IPO9: variants seen among roughly 807,000 people sequenced by gnomAD.
IPO9 encodes importin-9.
In IPO9, 28 loss-of-function variants were observed where a neutral mutation model predicts 128.6. The ratio of observed to expected loss-of-function variants is 0.22; its 90% confidence interval spans 0.16 to 0.30. The LOEUF (loss-of-function observed/expected upper bound fraction) is 0.30. Ranked by LOEUF, IPO9 falls within the 10% of genes least tolerant of loss-of-function variation. IPO9 has a pLI of 1.00. For missense variants in IPO9, 935 were observed against 1,293.9 expected, an observed-to-expected ratio of 0.72 and a Z score of 4.26; for synonymous variants, 455 against 475.8, an observed-to-expected ratio of 0.96 and a Z score of 0.57.
At position 201,847,542 on chromosome 1, in the gene IPO9, C is replaced by T. The variant is rs563204594; in HGVS notation, c.226-10C>T. The T allele has an allele frequency of 1.9e-6, 3 of 1,612,578 alleles. No individual in the cohort carries two copies. In the South Asian group the frequency reaches 3.3e-5, roughly 18 times the overall value. On this transcript the variant is annotated splice_polypyrimidine_tract_variant and intron_variant, in intron 2 of 23. Transcript: ENST00000361565. The stretch of plus-strand genomic sequence containing the variant: ...TTCTTGCTGTACTACTTGGCTTATT[C>T]TCTTCACAGCTGGCATCAGTCATCT...
At chr1:201,839,694 T>C (rs1231867979) in intron 1 of IPO9, among the ~76,000 whole-genome samples, 1 of 151,244 alleles carries the variant, frequency 6.6e-6, no homozygotes, top group Admixed American at 6.6e-5. Flanking sequence ...AATTAAATCA[T>C]ACAAGTACTA....
At chr1:201,869,998 A>T (rs1452734883) in intron 17 of IPO9, among the ~76,000 whole-genome samples, 2 of 152,342 alleles carry the variant, frequency 1.3e-5, no homozygotes, top group East Asian at 1.9e-4. Context: ...ACTTGGGGCC[A>T]TAAGAAAGTC....
At chr1:201,830,013 G>A (rs1679803266) in intron 1 of IPO9, among the ~76,000 whole-genome samples, 1 of 152,152 alleles carries the variant, frequency 6.6e-6, no homozygotes, top group Non-Finnish European at 1.5e-5. Context: ...TCTGTTTGGA[G>A]GAACTGATCA....
At chr1:201,872,010 A>G (rs1399482887) in intron 19 of IPO9, among the ~76,000 whole-genome samples, 1 of 151,936 alleles carries the variant, frequency 6.6e-6, no homozygotes, top group Non-Finnish European at 1.5e-5. Flanking sequence ...TGAGGCGAGC[A>G]GATCACCGGA....
At position 201,829,368 on chromosome 1, in the gene IPO9, G is replaced by C. The variant is rs560471017; in HGVS notation, c.159G>C (p.Thr53=). The change falls in exon 1 of 24, where the codon ACG becomes ACC. Residue 53 remains threonine, a synonymous_variant. Transcript: ENST00000361565. ...AACAGATTAAGGTGCTGGAGGTGAC[G>C]GAGGGTGAGTGAGGCGGGACCGTCA... ...AEEQIKVLEV[T]EEFGVHLAEL... 5.7e-6 allele frequency: 9 copies of C among 1,570,084 alleles called. No individual in the cohort carries two copies. The South Asian group carries it at 9.4e-5, about 16-fold the overall frequency.
At chr1:201,852,058 A>G (rs1680226750) in intron 4 of IPO9, 46 bp from the exon 5 acceptor site, 2 of 1,206,190 alleles carry the variant, frequency 1.7e-6, no homozygotes, top group Non-Finnish European at 2.5e-6. Flanking sequence ...TAATATCTTT[A>G]TGAAGCAGTA....
chr1:201,853,888 G>A (rs1680270563), intron 6 of IPO9, among the ~76,000 whole-genome samples: 3 of 152,170 alleles, frequency 2.0e-5, no homozygotes, highest in Admixed American at 1.3e-4. Flanking sequence ...ACAGGCACGC[G>A]CCATCATGCC....
At position 201,869,576 on chromosome 1, in the gene IPO9, C is replaced by T. The variant is rs1321309809; in HGVS notation, c.2005-14C>T. On this transcript the variant is annotated splice_polypyrimidine_tract_variant and intron_variant, in intron 16 of 23. Transcript: ENST00000361565. ...AGAGGCAATTCTGACTTTTCTTTTTCTTCTCTCTTTCAGACAGCCATTGAT... is the reference window on the plus strand; with the variant it reads ...AGAGGCAATTCTGACTTTTCTTTTTTTTCTCTCTTTCAGACAGCCATTGAT... 6.2e-7 allele frequency: 1 copy of T among 1,613,504 alleles called. No homozygotes were observed. Among genetic ancestry groups the T allele is most frequent in the South Asian group, 1.1e-5 (1 of 91,038 alleles).
chr1:201,872,677 C>G, intron 19 of IPO9, 151 bp from the exon 20 acceptor site: 1 of 808,872 alleles, frequency 1.2e-6, no homozygotes, highest in South Asian at 2.2e-5. Context: ...TCTAAAATCT[C>G]ATTTTCAGCT....
intron 19 of IPO9, among the ~76,000 whole-genome samples, chr1:201,872,610 AAC>A (rs776044249): frequency 0.016 from 2,363 of 149,960 alleles, 57 homozygotes; most frequent in African/African-American, 0.053. Context: ...TCTCAAAAAC[AAC>A]AACAACAACA....
At chr1:201,855,244 A>T in intron 9 of IPO9, 62 bp downstream of exon 9, 1 of 1,056,422 alleles carries the variant, frequency 9.5e-7, no homozygotes, top group South Asian at 1.3e-5. Context: ...AAGAAGCCAG[A>T]GATGGGGGCG....
chr1:201,868,730 G>A lies in IPO9; in HGVS notation c.1938G>A (p.Arg646=), dbSNP rs762249761. ...CCTGTCAGGGCCCAATGCAAATGAG[G>A]CTGATTCCCACTCTGGTCAGCATAA... ...IEACQGPMQM[R]LIPTLVSIMQ... is the part of the protein sequence containing the mutation. The change falls in exon 16 of 24, where the codon AGG becomes AGA. Residue 646 remains arginine (R), a synonymous_variant. Transcript: ENST00000361565. 5.0e-5 allele frequency: 81 copies of A among 1,613,860 alleles called. No individual in the cohort carries two copies. Among genetic ancestry groups the A allele is most frequent in the Non-Finnish European group, 6.7e-5 (79 of 1,179,970 alleles).
chr1:201,855,154 A>C lies in IPO9; in HGVS notation c.942A>C (p.Glu314Asp). 6.3e-7 allele frequency: 1 copy of C among 1,598,680 alleles called. No individual in the cohort carries two copies. Among genetic ancestry groups the C allele is most frequent in the Non-Finnish European group, 8.6e-7 (1 of 1,166,282 alleles). Residue 314 changes from glutamate (E) to aspartate (D), a missense_variant, in exon 9 of 24, where the codon GAA becomes GAC. Transcript: ENST00000361565. ...TGAGGACAGAAGTAAATTACACAGA[A>C]GAAGTAGAAGATCCTGTGGATTCTG... Reference protein sequence around the residue: ...FYVRTEVNYTEEVEDPVDSDG... With the variant: ...FYVRTEVNYTDEVEDPVDSDG...
intron 13 of IPO9, among the ~76,000 whole-genome samples, chr1:201,860,239 A>ATGTTC (rs2102882154): frequency 6.6e-6 from 1 of 152,310 alleles, no homozygotes; most frequent in East Asian, 1.9e-4. Context: ...TCATTTGAAA[A>ATGTTC]TGTTCTGCTC....
intron 1 of IPO9, among the ~76,000 whole-genome samples, chr1:201,839,506 A>T (rs1679997895): frequency 6.8e-6 from 1 of 146,688 alleles, no homozygotes; most frequent in South Asian, 2.2e-4. Flanking sequence ...GCTTGCAGTG[A>T]TCCGAGATCA....
Position 201,854,943 on chromosome 1 carries a change from T to G in IPO9, c.911+20T>G. The stretch of plus-strand genomic sequence containing the variant: ...AGCTTTATATCCTTTCTTGAAAGTT[T>G]AAGGGAGCTACTACCACCTATAGTT... On this transcript the variant is annotated intron_variant, in intron 8 of 23. Transcript: ENST00000361565. 6.4e-7 allele frequency: 1 copy of G among 1,565,038 alleles called. No homozygotes were observed. The highest frequency in any genetic ancestry group is 1.4e-5 in the African/African-American group (1 of 72,922).
chr1:201,842,877 A>G (rs1680057756), intron 1 of IPO9, among the ~76,000 whole-genome samples: 1 of 152,216 alleles, frequency 6.6e-6, no homozygotes, highest in Non-Finnish European at 1.5e-5. Context: ...TTACCATTTC[A>G]TGAGTTTGAT....
intron 16 of IPO9, 84 bp downstream of exon 16, chr1:201,868,880 A>C (rs902601365): frequency 9.6e-6 from 14 of 1,451,240 alleles, no homozygotes; most frequent in Non-Finnish European, 1.3e-5. Context: ...ACAAGAACCT[A>C]ATAGCGTTAG....
chr1:201,871,294 A>C lies in IPO9; in HGVS notation c.2543A>C (p.His848Pro). 2 of 1,602,514 alleles carry C rather than the reference A, an allele frequency of 1.2e-6. No individual in the cohort carries two copies. Among genetic ancestry groups the C allele is most frequent in the Non-Finnish European group, 1.7e-6 (2 of 1,175,682 alleles). Residue 848 changes from histidine (H) to proline (P), a missense_variant, in exon 19 of 24, where the codon CAC (histidine) becomes CCC (proline). Transcript: ENST00000361565. ...FVMAEWTSRQ[H>P]LFYGQYEGKV... ...ATGGCTGAGTGGACAAGCCGACAGC[A>C]CCTGTTCTATGGACAGTATGAAGGC...
Sources: allele counts gnomAD v4.1 joint callset (sites outside exome capture counted in the v4.1 genomes callset), GRCh38; gene constraint gnomAD v4.1.1; transcripts MANE v1.5; gene names NCBI Gene and HGNC (gene_info 2026-07-23, HGNC 2026-07-21).